Variants in HDAC9 observed in about 807,000 individuals in gnomAD.
HDAC9 encodes the protein histone deacetylase 9.
HDAC9 carries 41 observed loss-of-function variants against 139.4 expected under a neutral mutation model. That is an observed-to-expected ratio of 0.29 (90% confidence interval 0.23 to 0.38). The LOEUF (loss-of-function observed/expected upper bound fraction) is 0.38, where lower values mean the gene tolerates loss of function less well. Ranked by LOEUF, HDAC9 falls within the 10% of genes least tolerant of loss-of-function variation. HDAC9 has a pLI of 1.00. For missense variants in HDAC9, 1,147 were observed against 1,297.0 expected (o/e 0.88, Z 1.78); for synonymous variants, 517 against 476.2 (o/e 1.09, Z -1.12).
intron 2 of HDAC9, among the ~76,000 whole-genome samples, chr7:18,581,816 A>G (rs1827920456): frequency 6.6e-6 from 1 of 152,204 alleles, no homozygotes; most frequent in African/African-American, 2.4e-5. Context: ...GAGATCTTAC[A>G]GGCCATCATT....
rs1786441523 is a variant in HDAC9 at position 18,996,073 on chromosome 7, C to T, written c.*11C>T. ...GAGCCAGCCTTGTGAAGTGCCAAGT[C>T]CCCCTCTGATATTTCCTGTGTGTGA... On this transcript the variant is annotated 3_prime_UTR_variant, in exon 26 of 26. Transcript: ENST00000686413. 1.3e-6 allele frequency: 2 copies of T among 1,597,284 alleles called. No homozygotes were observed. The highest frequency in any genetic ancestry group is 1.3e-5 in the African/African-American group (1 of 74,560).
intron 2 of HDAC9, among the ~76,000 whole-genome samples, chr7:18,189,347 T>A (rs1180932912): frequency 8.9e-6 from 1 of 112,974 alleles, no homozygotes. Context: ...TGTTGAGGGG[T>A]GGGGGGTGAG....
At chr7:18,464,695 A>G (rs1794123390) in intron 1 of HDAC9, among the ~76,000 whole-genome samples, 1 of 152,044 alleles carries the variant, frequency 6.6e-6, no homozygotes. Context: ...CTGGGATTGA[A>G]ATGATTCAAG....
chr7:18,817,834 T>A (rs1474791746), intron 17 of HDAC9, among the ~76,000 whole-genome samples: 1 of 152,146 alleles, frequency 6.6e-6, no homozygotes, highest in Non-Finnish European at 1.5e-5. Context: ...AGACCCAAAT[T>A]GCCTATGCAC....
chr7:18,170,352 G>C (rs1788332660), intron 2 of HDAC9, among the ~76,000 whole-genome samples: 1 of 150,088 alleles, frequency 6.7e-6, no homozygotes, highest in Admixed American at 6.6e-5. Flanking sequence ...TTGTAGATTT[G>C]TCAGACGGAT....
intron 2 of HDAC9, among the ~76,000 whole-genome samples, chr7:18,507,999 T>C (rs1294570637): frequency 6.6e-6 from 1 of 152,188 alleles, no homozygotes; most frequent in South Asian, 2.1e-4. Flanking sequence ...TTTGAAGCTT[T>C]GGGAACTGGG....
chr7:18,828,186 A>T (rs533052109), intron 17 of HDAC9, among the ~76,000 whole-genome samples: 1 of 152,306 alleles, frequency 6.6e-6, no homozygotes, highest in African/African-American at 2.4e-5. Flanking sequence ...TATATGCAGT[A>T]AAAGTTTTGA....
intron 1 of HDAC9, among the ~76,000 whole-genome samples, chr7:18,316,116 A>C (rs1368366609): frequency 6.6e-6 from 1 of 152,134 alleles, no homozygotes; most frequent in African/African-American, 2.4e-5. Flanking sequence ...AGTCATCTGG[A>C]GATCTTTTTA....
At chr7:18,115,246 T>C (rs796982065) in intron 1 of HDAC9, among the ~76,000 whole-genome samples, 1 of 151,160 alleles carries the variant, frequency 6.6e-6, no homozygotes, top group Non-Finnish European at 1.5e-5. Context: ...TGAGCAGAGA[T>C]TGTGCCACTG....
At chr7:18,561,573 A>G (rs886184401) in intron 2 of HDAC9, among the ~76,000 whole-genome samples, 2 of 152,118 alleles carry the variant, frequency 1.3e-5, no homozygotes, top group Admixed American at 6.5e-5. Flanking sequence ...GAAACCCCAG[A>G]CCCATTAGCA....
At chr7:18,256,096 G>A (rs1272459286) in intron 2 of HDAC9, among the ~76,000 whole-genome samples, 3 of 152,104 alleles carry the variant, frequency 2.0e-5, no homozygotes, top group Non-Finnish European at 2.9e-5. Context: ...ATCTTGAAGA[G>A]CTAATTTCGT....
chr7:18,453,207 T>C (rs1481632888), intron 1 of HDAC9, among the ~76,000 whole-genome samples: 1 of 152,212 alleles, frequency 6.6e-6, no homozygotes, highest in African/African-American at 2.4e-5. Flanking sequence ...TCTTTTTATT[T>C]ACTGAAGGTT....
intron 21 of HDAC9, among the ~76,000 whole-genome samples, chr7:18,869,171 TG>T (rs2129241113): frequency 6.6e-6 from 1 of 151,398 alleles, no homozygotes; most frequent in East Asian, 2.0e-4. Context: ...TGTGTGTGTG[TG>T]TGTGTGTGTG....
intron 2 of HDAC9, among the ~76,000 whole-genome samples, chr7:18,557,881 T>G (rs969380030): frequency 1.3e-5 from 2 of 151,862 alleles, no homozygotes; most frequent in Non-Finnish European, 2.9e-5. Flanking sequence ...TATTTTTCTT[T>G]TTACAAGTGA....
chr7:18,980,718 T>C (rs985619433), intron 25 of HDAC9, among the ~76,000 whole-genome samples: 2 of 146,598 alleles, frequency 1.4e-5, no homozygotes, highest in African/African-American at 5.2e-5. Context: ...CTTCTTCCTC[T>C]TCTTCTTCCT....
chr7:18,646,010 A>G (rs549216893), intron 9 of HDAC9, among the ~76,000 whole-genome samples: 46 of 152,326 alleles, frequency 3.0e-4, no homozygotes, highest in Non-Finnish European at 5.6e-4. Flanking sequence ...TTGAAAATAC[A>G]GAATTCAGCT....
chr7:18,140,803 A>C (rs1785844675), intron 1 of HDAC9, among the ~76,000 whole-genome samples: 2 of 151,954 alleles, frequency 1.3e-5, no homozygotes, highest in African/African-American at 4.8e-5. Flanking sequence ...TTTTTATTTG[A>C]AGTTCTTTAG....
intron 1 of HDAC9, among the ~76,000 whole-genome samples, chr7:18,346,347 A>G (rs1026117948): frequency 2.0e-5 from 3 of 152,186 alleles, no homozygotes; most frequent in South Asian, 4.1e-4. Flanking sequence ...ACTCATTGTC[A>G]TTACATCTTT....
chr7:18,124,743 C>G (rs1339339201), intron 1 of HDAC9, among the ~76,000 whole-genome samples: 1 of 152,062 alleles, frequency 6.6e-6, no homozygotes, highest in African/African-American at 2.4e-5. Context: ...TTCCATTTGC[C>G]TTGCCCCCAG....
Sources: allele counts gnomAD v4.1 joint callset (sites outside exome capture counted in the v4.1 genomes callset), GRCh38; gene constraint gnomAD v4.1.1; transcripts MANE v1.5; gene names NCBI Gene and HGNC (gene_info 2026-07-23, HGNC 2026-07-21).